The following TTC39B variants were observed in gnomAD, a reference collection of about 807,000 sequenced individuals.
TTC39B encodes tetratricopeptide repeat domain 39B, also known as tetratricopeptide repeat protein 39B.
A neutral mutation model predicts 96.6 loss-of-function variants in TTC39B; 92 were observed. That is an observed-to-expected ratio of 0.95 (90% CI 0.80 to 1.13). TTC39B has a LOEUF of 1.13. Ranked by LOEUF, TTC39B falls within the 50% of genes most tolerant of loss-of-function variation. The probability of loss-of-function intolerance (pLI) is 0.00; values close to 1 mark genes in which losing one functional copy is unlikely to be tolerated. For synonymous variants in TTC39B, 367 were observed against 299.4 expected (o/e 1.23, Z -2.33); for missense variants, 955 against 809.3 (o/e 1.18, Z -2.18).
intron 1 of TTC39B, among the ~76,000 whole-genome samples, chr9:15,282,085 C>A (rs1366783642): frequency 6.6e-6 from 1 of 152,174 alleles, no homozygotes; most frequent in Non-Finnish European, 1.5e-5. Flanking sequence ...AATTTGTTCA[C>A]CAAATTGCTT....
intron 8 of TTC39B, 149 bp from the exon 9 acceptor site, chr9:15,192,844 C>T (rs1019870973): frequency 3.4e-6 from 2 of 592,346 alleles, no homozygotes; most frequent in Non-Finnish European, 5.9e-6. Context: ...GCTGAGTTTA[C>T]TCTTAAGGAT....
intron 2 of TTC39B, among the ~76,000 whole-genome samples, chr9:15,236,470 G>A (rs1485923025): frequency 6.6e-6 from 1 of 152,144 alleles, no homozygotes; most frequent in Non-Finnish European, 1.5e-5. Context: ...AGACCAAATG[G>A]ACCTAAAAGA....
At position 15,204,281 on chromosome 9, in the gene TTC39B, C is replaced by A. The variant is rs1035625555; in HGVS notation, c.692-391G>T. 4.6e-5 allele frequency among the ~76,000 whole-genome samples: 7 copies of A among 152,288 alleles called. No individual in the cohort carries two copies. The South Asian group carries it at 1.0e-3, about 23-fold the overall frequency. On this transcript the variant is annotated intron_variant, in intron 6 of 19. Coordinates refer to ENST00000512701, the Ensembl canonical transcript of TTC39B. ...TGGTGGTTTACGCCTGTAATCCCAG[C>A]ACTTTGGGAGGCCGAGGTGGGTGGA...
At chr9:15,242,941 C>G (rs559643759) in intron 2 of TTC39B, among the ~76,000 whole-genome samples, 3 of 152,328 alleles carry the variant, frequency 2.0e-5, no homozygotes, top group East Asian at 3.9e-4. Context: ...TGAGTGGCCG[C>G]TGGATCTCAG....
intron 14 of TTC39B, 30 bp downstream of exon 14, chr9:15,187,941 G>C: frequency 6.5e-7 from 1 of 1,541,168 alleles, no homozygotes; most frequent in African/African-American, 1.4e-5. Flanking sequence ...TTAGCAAACA[G>C]ATGACATTAA....
intron 2 of TTC39B, among the ~76,000 whole-genome samples, chr9:15,255,396 G>A (rs952944863): frequency 1.3e-5 from 2 of 152,030 alleles, no homozygotes; most frequent in Non-Finnish European, 2.9e-5. Context: ...GAGACAAAAG[G>A]GGGAAAGAGG....
intron 16 of TTC39B, 103 bp from the exon 17 acceptor site, chr9:15,182,518 C>T (rs1247905987): frequency 1.3e-5 from 9 of 694,594 alleles, no homozygotes; most frequent in African/African-American, 3.7e-5. Context: ...TTTCTAGGAA[C>T]CTCAGGACAA....
At chr9:15,220,613 TAAGA>T (rs891137266) in intron 3 of TTC39B, among the ~76,000 whole-genome samples, 8 of 151,812 alleles carry the variant, frequency 5.3e-5, no homozygotes, top group African/African-American at 1.9e-4. Flanking sequence ...ATATTACATC[TAAGA>T]AAGAATAATA....
intron 2 of TTC39B, among the ~76,000 whole-genome samples, chr9:15,236,262 A>C (rs1821775845): frequency 6.6e-6 from 1 of 152,262 alleles, no homozygotes; most frequent in Non-Finnish European, 1.5e-5. Context: ...CAATATAACA[A>C]GAAGATTTAA....
At chr9:15,209,418 T>C (rs1185349059) in intron 6 of TTC39B, among the ~76,000 whole-genome samples, 1 of 152,208 alleles carries the variant, frequency 6.6e-6, no homozygotes, top group Non-Finnish European at 1.5e-5. Context: ...TGAAACATTA[T>C]CATTTTTAAA....
exon 12 of TTC39B, chr9:15,189,739 G>C: frequency 1.2e-6 from 2 of 1,613,872 alleles, no homozygotes; most frequent in Non-Finnish European, 1.7e-6. Flanking sequence ...GGAAACTGCT[G>C]GAGGAAGGGT....
intron 2 of TTC39B, among the ~76,000 whole-genome samples, chr9:15,266,446 G>T (rs1365719160): frequency 6.6e-6 from 1 of 152,028 alleles, no homozygotes; most frequent in African/African-American, 2.4e-5. Context: ...AAAATTAGAA[G>T]TCATACAAAA....
At chr9:15,260,720 T>C (rs925634474) in intron 2 of TTC39B, among the ~76,000 whole-genome samples, 4 of 152,190 alleles carry the variant, frequency 2.6e-5, no homozygotes, top group African/African-American at 9.7e-5. Context: ...GTGAGAAATG[T>C]TATAAAACAA....
exon 20 of TTC39B, chr9:15,166,982 T>TTGTATATATA (rs1387664027): frequency 4.9e-5 from 1 of 20,276 alleles, no homozygotes; most frequent in Admixed American, 8.5e-4. Context: ...AACCTTTATT[T>TTGTATATATA]TATATATATA....
intron 2 of TTC39B, among the ~76,000 whole-genome samples, chr9:15,259,574 C>G (rs1216172373): frequency 6.6e-6 from 1 of 152,068 alleles, no homozygotes; most frequent in African/African-American, 2.4e-5. Flanking sequence ...AACTGATGAA[C>G]AGATAAATAA....
rs185363927 is a variant in TTC39B, at chr9:15,205,017, G to C, written c.692-1127C>G. On this transcript the variant is annotated intron_variant, in intron 6 of 19. Coordinates refer to ENST00000512701, the Ensembl canonical transcript of TTC39B. ...AAAGTGGCATGATATTTAAGTAAAC[G>C]AGCCTGGGGTATTTAGGAGCCTGAG... Among the ~76,000 whole-genome samples, 3 of 152,260 alleles carry C rather than the reference G, an allele frequency of 2.0e-5. No individual in the cohort carries two copies. The East Asian group carries it at 5.8e-4, about 29-fold the overall frequency.
intron 2 of TTC39B, among the ~76,000 whole-genome samples, chr9:15,247,866 A>AAGG (rs1564385179): frequency 6.6e-6 from 1 of 150,978 alleles, no homozygotes; most frequent in African/African-American, 2.4e-5. Flanking sequence ...AAAAAAAACG[A>AAGG]GGGGGCTCCC....
chr9:15,250,866 G>A (rs924270934), intron 2 of TTC39B, among the ~76,000 whole-genome samples: 7 of 152,164 alleles, frequency 4.6e-5, no homozygotes, highest in African/African-American at 1.2e-4. Context: ...GAATTGAAAC[G>A]TTTTTAGTAT....
At chr9:15,252,488 A>G (rs781175344) in intron 2 of TTC39B, among the ~76,000 whole-genome samples, 2 of 152,172 alleles carry the variant, frequency 1.3e-5, no homozygotes, top group African/African-American at 2.4e-5. Flanking sequence ...CTCTACTAAA[A>G]ATACAAAAAA....
Sources: gnomAD v4.1 joint callset for allele counts (sites outside exome capture counted in the v4.1 genomes callset) on GRCh38, gnomAD v4.1.1 for gene constraint, MANE v1.5 for transcripts, NCBI Gene and HGNC (gene_info 2026-07-23, HGNC 2026-07-21) for gene names.